Variants in SMYD3 observed in about 807,000 individuals in gnomAD.
The protein encoded by SMYD3 is histone-lysine N-methyltransferase SMYD3.
SMYD3 carries 36 observed loss-of-function variants against 57.7 expected under a neutral mutation model. That is an observed-to-expected ratio of 0.62 (90% CI 0.48 to 0.82). The LOEUF is 0.82. Among genes scored for constraint, SMYD3 ranks in the 40% least tolerant of loss-of-function variants. SMYD3 has a pLI of 0.00. For missense variants in SMYD3, 515 were observed against 538.8 expected (o/e 0.96, Z 0.44); for synonymous variants, 211 against 195.0 (o/e 1.08, Z -0.68).
chr1:245,802,798 C>A (rs548807727), intron 10 of SMYD3, among the ~76,000 whole-genome samples: 1 of 152,206 alleles, frequency 6.6e-6, no homozygotes, highest in African/African-American at 2.4e-5. Context: ...ATGGAATAAT[C>A]GGAAGACAGA....
At chr1:246,083,276 G>T (rs1438645284) in intron 5 of SMYD3, among the ~76,000 whole-genome samples, 1 of 152,212 alleles carries the variant, frequency 6.6e-6, no homozygotes, top group Non-Finnish European at 1.5e-5. Flanking sequence ...TAGGGCTGGA[G>T]GTGGGACATG....
At chr1:245,759,251 T>A (rs1193327785) in intron 11 of SMYD3, among the ~76,000 whole-genome samples, 1 of 150,874 alleles carries the variant, frequency 6.6e-6, no homozygotes, top group African/African-American at 2.4e-5. Flanking sequence ...CAAACAACTC[T>A]TTGAAGGTAT....
chr1:246,298,197 C>T (rs779420197), intron 5 of SMYD3, among the ~76,000 whole-genome samples: 2 of 151,008 alleles, frequency 1.3e-5, no homozygotes, highest in African/African-American at 2.5e-5. Flanking sequence ...GAAGGGGAAA[C>T]ATTCATAAAG....
intron 1 of SMYD3, among the ~76,000 whole-genome samples, chr1:246,472,919 G>C (rs553191672): frequency 1.4e-5 from 2 of 144,764 alleles, no homozygotes; most frequent in Admixed American, 7.1e-5. Flanking sequence ...CTGCAGTGGA[G>C]CAATCTCAGC....
At chr1:245,921,459 G>A (rs997775108) in intron 7 of SMYD3, among the ~76,000 whole-genome samples, 52 of 151,760 alleles carry the variant, frequency 3.4e-4, no homozygotes, top group Non-Finnish European at 2.9e-5. Flanking sequence ...AAACACACAT[G>A]CACTCACGTG....
intron 8 of SMYD3, among the ~76,000 whole-genome samples, chr1:245,894,791 T>C (rs2053647911): frequency 6.6e-6 from 1 of 152,190 alleles, no homozygotes; most frequent in African/African-American, 2.4e-5. Context: ...CATCCCTCAA[T>C]CTATCCTCTG....
chr1:246,036,564 G>GT (rs1438637196), intron 5 of SMYD3, among the ~76,000 whole-genome samples: 1 of 99,832 alleles, frequency 1.0e-5, no homozygotes, highest in Non-Finnish European at 2.3e-5. Context: ...GTTTTGTTTT[G>GT]TTTTTTTGAG....
At chr1:245,756,179 GTATA>G (rs1558303992) in intron 11 of SMYD3, among the ~76,000 whole-genome samples, 6 of 148,956 alleles carry the variant, frequency 4.0e-5, no homozygotes, top group African/African-American at 1.5e-4. Flanking sequence ...TATTATATAT[GTATA>G]TATACAGATA....
chr1:246,097,110 G>A (rs750124310), intron 5 of SMYD3, among the ~76,000 whole-genome samples: 8 of 152,142 alleles, frequency 5.3e-5, no homozygotes, highest in Non-Finnish European at 7.3e-5. Context: ...CACAAAACAC[G>A]TGAAAAATAT....
chr1:246,256,386 A>G (rs1036722164), intron 5 of SMYD3, among the ~76,000 whole-genome samples: 1 of 152,150 alleles, frequency 6.6e-6, no homozygotes, highest in Non-Finnish European at 1.5e-5. Flanking sequence ...CTTCAATCCA[A>G]TCAAGTTCAC....
chr1:245,875,302 G>A (rs1240072208), intron 8 of SMYD3, among the ~76,000 whole-genome samples: 4 of 152,230 alleles, frequency 2.6e-5, no homozygotes, highest in African/African-American at 9.6e-5. Flanking sequence ...AACATTAGCA[G>A]ATGACGATCA....
At chr1:246,372,967 T>C (rs1411414259) in intron 1 of SMYD3, among the ~76,000 whole-genome samples, 2 of 152,212 alleles carry the variant, frequency 1.3e-5, no homozygotes, top group Non-Finnish European at 2.9e-5. Context: ...CTTCATTTAC[T>C]GCTCTCCATC....
chr1:246,054,955 C>T (rs4654190), intron 5 of SMYD3, among the ~76,000 whole-genome samples: 67,702 of 149,480 alleles, frequency 0.45, 19,036 homozygotes, highest in Non-Finnish European at 0.63. Flanking sequence ...GCGGGCGGAT[C>T]ACGAGGTCAG....
intron 1 of SMYD3, among the ~76,000 whole-genome samples, chr1:246,435,665 T>C (rs1409698691): frequency 6.6e-6 from 1 of 151,424 alleles, no homozygotes; most frequent in African/African-American, 2.4e-5. Flanking sequence ...GAAGGGGGAA[T>C]AAGGGAAGAG....
chr1:246,395,293 A>C (rs1194510575), intron 1 of SMYD3, among the ~76,000 whole-genome samples: 1 of 152,352 alleles, frequency 6.6e-6, no homozygotes, highest in East Asian at 1.9e-4. Context: ...CAAGTGTAGA[A>C]ATATATCTTA....
chr1:246,129,796 T>G (rs1364181885), intron 5 of SMYD3, among the ~76,000 whole-genome samples: 1 of 152,066 alleles, frequency 6.6e-6, no homozygotes, highest in Non-Finnish European at 1.5e-5. Flanking sequence ...TTTTAAAGAC[T>G]GAAAAATGGA....
At chr1:245,782,218 G>C (rs1397213528) in intron 10 of SMYD3, among the ~76,000 whole-genome samples, 1 of 152,120 alleles carries the variant, frequency 6.6e-6, no homozygotes. Context: ...AATTACTGTA[G>C]TTCCTTTAAT....
intron 5 of SMYD3, among the ~76,000 whole-genome samples, chr1:246,255,957 G>GATAGATAT (rs2063881706): frequency 6.6e-6 from 1 of 151,166 alleles, no homozygotes; most frequent in African/African-American, 2.4e-5. Context: ...TAGATAGATA[G>GATAGATAT]ATAGATAGAT....
chr1:246,196,837 TATTCTCCAATTTCTAA>T (rs1250772932), intron 5 of SMYD3, among the ~76,000 whole-genome samples: 8 of 152,122 alleles, frequency 5.3e-5, no homozygotes, highest in Admixed American at 2.6e-4. Context: ...TTTCTAAAAC[TATTCTCCAATTTCTAA>T]ATTCTCCAAT....
Sources: gnomAD v4.1 joint callset for allele counts (sites outside exome capture counted in the v4.1 genomes callset) on GRCh38, gnomAD v4.1.1 for gene constraint, MANE v1.5 for transcripts, NCBI Gene and HGNC (gene_info 2026-07-23, HGNC 2026-07-21) for gene names.